The following EXOC4 variants were observed in gnomAD, a reference collection of about 807,000 sequenced individuals.
EXOC4 encodes SEC8-like 1.
Under a neutral mutation model 107.2 loss-of-function variants are expected in EXOC4, and 71 were observed. The ratio of observed to expected loss-of-function variants is 0.66; its 90% confidence interval spans 0.55 to 0.81. The LOEUF (loss-of-function observed/expected upper bound fraction) is 0.81, where lower values mean the gene tolerates loss of function less well. EXOC4 is among the 30% of genes least tolerant of loss of function. EXOC4 has a pLI of 0.00. For missense variants in EXOC4, 1,108 were observed against 1,189.6 expected (o/e 0.93, Z 1.01); for synonymous variants, 456 against 441.2 (o/e 1.03, Z -0.42).
At chr7:133,757,159 G>T (rs374033803) in intron 10 of EXOC4, among the ~76,000 whole-genome samples, 47 of 152,144 alleles carry the variant, frequency 3.1e-4, no homozygotes, top group East Asian at 2.1e-3. Flanking sequence ...CTTTTTTCCA[G>T]GGCCCTCTTC....
intron 5 of EXOC4, among the ~76,000 whole-genome samples, chr7:133,340,880 C>A (rs185373380): frequency 3.3e-5 from 5 of 151,972 alleles, no homozygotes; most frequent in African/African-American, 9.7e-5. Context: ...TCTCCCATTT[C>A]GTGTCTAATT....
chr7:133,615,251 C>A (rs889955683), intron 9 of EXOC4, among the ~76,000 whole-genome samples: 1 of 151,884 alleles, frequency 6.6e-6, no homozygotes, highest in Non-Finnish European at 1.5e-5. Flanking sequence ...GCAAGACCAA[C>A]CCCTCCTCTT....
chr7:133,981,703 G>A (rs925559209), intron 14 of EXOC4, among the ~76,000 whole-genome samples: 2 of 151,824 alleles, frequency 1.3e-5, no homozygotes, highest in Non-Finnish European at 2.9e-5. Flanking sequence ...ATTCCTCAAA[G>A]GGCTAAAAAC....
chr7:133,580,542 A>G (rs1045206817), intron 9 of EXOC4, among the ~76,000 whole-genome samples: 1 of 152,194 alleles, frequency 6.6e-6, no homozygotes, highest in Non-Finnish European at 1.5e-5. Context: ...TTAAGTTACA[A>G]AAGTTGCGTA....
intron 10 of EXOC4, among the ~76,000 whole-genome samples, chr7:133,772,192 C>T (rs1796257910): frequency 6.6e-6 from 1 of 151,954 alleles, no homozygotes; most frequent in Non-Finnish European, 1.5e-5. Context: ...ATGTTTCCTA[C>T]TTAGTATGTA....
At chr7:133,364,608 G>A (rs2150672230) in intron 6 of EXOC4, among the ~76,000 whole-genome samples, 1 of 152,298 alleles carries the variant, frequency 6.6e-6, no homozygotes, top group South Asian at 2.1e-4. Flanking sequence ...TATTAAATTG[G>A]AATGTTTGGA....
intron 2 of EXOC4, among the ~76,000 whole-genome samples, chr7:133,282,133 C>A (rs1563001274): frequency 6.6e-6 from 1 of 152,198 alleles, no homozygotes; most frequent in Non-Finnish European, 1.5e-5. Flanking sequence ...TATTCAAAGC[C>A]CCACTTAGCT....
intron 9 of EXOC4, among the ~76,000 whole-genome samples, chr7:133,564,156 A>G (rs761656892): frequency 2.6e-4 from 40 of 152,228 alleles, no homozygotes; most frequent in Non-Finnish European, 4.4e-4. Flanking sequence ...AAGAGATTTA[A>G]TTGGCTCACG....
At chr7:133,909,919 A>ATTTTT (rs764890539) in intron 12 of EXOC4, among the ~76,000 whole-genome samples, 32 of 75,492 alleles carry the variant, frequency 4.2e-4, no homozygotes, top group African/African-American at 1.2e-3. Context: ...GTTGAGACAG[A>ATTTTT]TTTTTTTTTT....
chr7:134,007,579 G>C lies in EXOC4; in HGVS notation c.2528-97G>C. ...TTTTCTTTGGTCGTTTAAATGTATA[G>C]AGGATTAGAAGACAGCAATTCTGTG... On this transcript the variant is annotated intron_variant, in intron 16 of 17. Transcript: ENST00000253861. 8.8e-7 allele frequency: 1 copy of C among 1,142,566 alleles called. No individual in the cohort carries two copies. Among genetic ancestry groups the C allele is most frequent in the Non-Finnish European group, 1.2e-6 (1 of 836,528 alleles). The allele number at this position is 1,142,566 out of a possible 1,614,324, so 70.8% of individuals were successfully genotyped here.
At chr7:133,692,894 G>T (rs1316483235) in intron 10 of EXOC4, among the ~76,000 whole-genome samples, 1 of 152,080 alleles carries the variant, frequency 6.6e-6, no homozygotes, top group Non-Finnish European at 1.5e-5. Context: ...TGTGCTAAGC[G>T]CTTCACATGT....
chr7:133,307,926 A>G (rs991486420), intron 4 of EXOC4, among the ~76,000 whole-genome samples: 2 of 152,246 alleles, frequency 1.3e-5, no homozygotes, highest in African/African-American at 4.8e-5. Flanking sequence ...TTGTGGTTGT[A>G]TACAGTAAGC....
intron 10 of EXOC4, among the ~76,000 whole-genome samples, chr7:133,650,409 G>GA (rs1212600068): frequency 6.6e-6 from 1 of 152,064 alleles, no homozygotes; most frequent in Non-Finnish European, 1.5e-5. Context: ...AGCAACTTGA[G>GA]ATTGTGCATT....
At chr7:133,542,017 G>GTGCATTTTAA (rs1800389918) in intron 9 of EXOC4, among the ~76,000 whole-genome samples, 1 of 151,946 alleles carries the variant, frequency 6.6e-6, no homozygotes, top group African/African-American at 2.4e-5. Context: ...TCTTTTTTTA[G>GTGCATTTTAA]GACACAGTGT....
At chr7:133,339,065 T>G (rs1490603866) in intron 5 of EXOC4, among the ~76,000 whole-genome samples, 3 of 152,206 alleles carry the variant, frequency 2.0e-5, no homozygotes, top group Non-Finnish European at 2.9e-5. Flanking sequence ...TATATCATTC[T>G]TATGCTTTTA....
At chr7:133,440,083 C>G (rs540355147) in intron 7 of EXOC4, among the ~76,000 whole-genome samples, 3 of 152,186 alleles carry the variant, frequency 2.0e-5, no homozygotes, top group Admixed American at 6.5e-5. Context: ...GCAACCCTCT[C>G]CCACCCCCAC....
chr7:133,678,588 T>G (rs1794115688), intron 10 of EXOC4, among the ~76,000 whole-genome samples: 3 of 152,100 alleles, frequency 2.0e-5, no homozygotes, highest in Admixed American at 6.6e-5. Context: ...AAGCAAGCTC[T>G]TGATTGCTCC....
At position 133,289,069 on chromosome 7, in the gene EXOC4, G is replaced by T; in HGVS notation, c.424G>T (p.Glu142Ter). 1 of 1,614,188 alleles carries T rather than the reference G, an allele frequency of 6.2e-7. No individual in the cohort carries two copies. Among genetic ancestry groups the T allele is most frequent in the Non-Finnish European group, 8.5e-7 (1 of 1,180,028 alleles). The change falls in exon 3 of 18, where the codon GAA becomes TAA. Residue 142 changes from glutamate to a stop codon, truncating the protein, a stop_gained. Coordinates refer to ENST00000253861, the MANE Select transcript of EXOC4 (RefSeq NM_021807.4). LOFTEE classifies it high-confidence loss of function. ...TATCAAGCAAGTGCCTCAAAAGCTG[G>T]AACAGTGCATGGCCAGCAAGCACTA... ...ENIKQVPQKL[E>*]QCMASKHYLS...
In EXOC4 at chr7:133,636,529, G is replaced by T. The variant is rs1388203559; in HGVS notation, c.1514+6388G>T. 2.0e-5 allele frequency among the ~76,000 whole-genome samples: 3 copies of T among 152,188 alleles called. No individual in the cohort carries two copies. In the South Asian group the frequency reaches 6.2e-4, roughly 32 times the overall value. ...CTTTAGGGTAATGAACACTTGGCATGCATGAAGTAATATGTTTCTTACAGG... is the reference window on the plus strand; with the variant it reads ...CTTTAGGGTAATGAACACTTGGCATTCATGAAGTAATATGTTTCTTACAGG... On this transcript the variant is annotated intron_variant, in intron 10 of 17. Coordinates refer to ENST00000253861, the MANE Select transcript of EXOC4 (RefSeq NM_021807.4).
Sources: allele counts gnomAD v4.1 joint callset (sites outside exome capture counted in the v4.1 genomes callset), GRCh38; gene constraint gnomAD v4.1.1; transcripts MANE v1.5; gene names NCBI Gene and HGNC (gene_info 2026-07-23, HGNC 2026-07-21).